Variants in AKR1C8 observed in about 807,000 individuals in gnomAD.
AKR1C8 encodes the protein aldo-keto reductase family 1 member C-like protein 1.
At chr10:5,178,633 C>G in the AKR1C8 span, among the ~76,000 whole-genome samples, 7 of 152,342 alleles carry the variant, frequency 4.6e-5, no homozygotes, top group East Asian at 1.3e-3. Context: ...TTGTAGGTCA[C>G]TCAGGACTTG....
chr10:5,165,503 C>T, the AKR1C8 span, among the ~76,000 whole-genome samples: 1 of 152,056 alleles, frequency 6.6e-6, no homozygotes, highest in Non-Finnish European at 1.5e-5. Flanking sequence ...CTTCATACCC[C>T]ATCTGTGAAC....
the AKR1C8 span, chr10:5,135,196 T>A: frequency 8.9e-6 from 2 of 225,310 alleles, no homozygotes; most frequent in Non-Finnish European, 2.0e-5. Context: ...TGACCATCAT[T>A]TAGCTCCACA....
chr10:5,173,491 C>G, the AKR1C8 span, among the ~76,000 whole-genome samples: 1 of 151,768 alleles, frequency 6.6e-6, no homozygotes, highest in Middle Eastern at 3.2e-3. Context: ...GAAGCAGATG[C>G]AAAGGCATGA....
chr10:5,132,572 G>C, the AKR1C8 span: 3 of 1,494,198 alleles, frequency 2.0e-6, no homozygotes, highest in Non-Finnish European at 2.7e-6. Flanking sequence ...TTAAATACAT[G>C]TGCATGCATG....
At chr10:5,139,112 C>A in the AKR1C8 span, among the ~76,000 whole-genome samples, 14 of 152,180 alleles carry the variant, frequency 9.2e-5, no homozygotes, top group East Asian at 1.3e-3. Flanking sequence ...TGTGAAGGAC[C>A]TTTTCAAGGA....
chr10:5,176,021 C>G, the AKR1C8 span, among the ~76,000 whole-genome samples: 5 of 151,940 alleles, frequency 3.3e-5, no homozygotes, highest in African/African-American at 1.2e-4. Flanking sequence ...GTTGCCATTG[C>G]TTTTGGTGTT....
the AKR1C8 span, among the ~76,000 whole-genome samples, chr10:5,166,727 G>T: frequency 1.3e-5 from 2 of 152,150 alleles, no homozygotes; most frequent in East Asian, 3.9e-4. Context: ...CATAGGCATG[G>T]GCAAGGACTT....
chr10:5,122,193 C>A, the AKR1C8 span: 134,723 of 356,790 alleles, frequency 0.38, 27,845 homozygotes, highest in Non-Finnish European at 0.43. Flanking sequence ...TACTCACATT[C>A]ACCTTTCCCA....
the AKR1C8 span, among the ~76,000 whole-genome samples, chr10:5,122,486 C>A: frequency 1.3e-5 from 2 of 152,136 alleles, no homozygotes; most frequent in African/African-American, 4.8e-5. Context: ...AGACACAATA[C>A]CTGCCACCTG....
At chr10:5,119,393 A>T in the AKR1C8 span, among the ~76,000 whole-genome samples, 4 of 152,292 alleles carry the variant, frequency 2.6e-5, no homozygotes, top group South Asian at 8.3e-4. Context: ...AAAAGTACAT[A>T]ATCTACATGT....
chr10:5,183,160 ATC>A, the AKR1C8 span, among the ~76,000 whole-genome samples: 1 of 152,116 alleles, frequency 6.6e-6, no homozygotes, highest in African/African-American at 2.4e-5. Context: ...CTAACCAACA[ATC>A]TCTGACTACA....
the AKR1C8 span, among the ~76,000 whole-genome samples, chr10:5,126,878 A>G: frequency 6.6e-6 from 1 of 152,178 alleles, no homozygotes; most frequent in African/African-American, 2.4e-5. Flanking sequence ...CAATTAGGCT[A>G]TTATAAACTA....
At chr10:5,164,102 C>G in the AKR1C8 span, among the ~76,000 whole-genome samples, 1 of 152,110 alleles carries the variant, frequency 6.6e-6, no homozygotes, top group African/African-American at 2.4e-5. Context: ...TTGATTGCTC[C>G]TGGGCCAAGG....
chr10:5,122,347 T>C, the AKR1C8 span, among the ~76,000 whole-genome samples: 1 of 152,142 alleles, frequency 6.6e-6, no homozygotes, highest in Admixed American at 6.5e-5. Context: ...CTCTTCTCCA[T>C]CCCACCCCTC....
At chr10:5,168,516 G>C in the AKR1C8 span, among the ~76,000 whole-genome samples, 5 of 152,042 alleles carry the variant, frequency 3.3e-5, no homozygotes, top group Non-Finnish European at 7.4e-5. Flanking sequence ...TAAACAACTA[G>C]AGGGAGACCT....
At chr10:5,137,546 A>ATG in the AKR1C8 span, among the ~76,000 whole-genome samples, 1 of 151,998 alleles carries the variant, frequency 6.6e-6, no homozygotes, top group African/African-American at 2.4e-5. Context: ...ACAAAATTCA[A>ATG]CCCTGCTTCA....
the AKR1C8 span, chr10:5,123,680 T>C: frequency 1.0e-5 from 16 of 1,571,180 alleles, no homozygotes; most frequent in Admixed American, 2.7e-4. Flanking sequence ...CAAAATGGCA[T>C]TTTAGGTAAA....
the AKR1C8 span, among the ~76,000 whole-genome samples, chr10:5,149,799 T>C: frequency 1.3e-3 from 200 of 152,286 alleles, no homozygotes; most frequent in Middle Eastern, 6.8e-3. Context: ...CTTATGTGAA[T>C]AACTATGTTG....
the AKR1C8 span, among the ~76,000 whole-genome samples, chr10:5,177,294 A>G: frequency 6.6e-6 from 1 of 151,950 alleles, no homozygotes; most frequent in East Asian, 1.9e-4. Flanking sequence ...TGATTTGCAT[A>G]TATTGAACCA....
Sources: allele counts gnomAD v4.1 joint callset (sites outside exome capture counted in the v4.1 genomes callset), GRCh38; gene constraint gnomAD v4.1.1; transcripts MANE v1.5; gene names NCBI Gene and HGNC (gene_info 2026-07-23, HGNC 2026-07-21).